ZMYM4: variants seen among roughly 807,000 people sequenced by gnomAD.
ZMYM4 encodes zinc finger MYM-type protein 4.
In ZMYM4, 31 loss-of-function variants were observed where a neutral mutation model predicts 183.2. The observed-to-expected ratio is 0.17, with a 90% CI of 0.13 to 0.23. ZMYM4 has a LOEUF of 0.23. Ranked by LOEUF, ZMYM4 falls within the 10% of genes least tolerant of loss-of-function variation. The pLI, the probability that ZMYM4 is intolerant of heterozygous loss-of-function variation, is 1.00. For synonymous variants in ZMYM4, 592 were observed against 631.2 expected, an observed-to-expected ratio of 0.94 and a Z score of 0.93; for missense variants, 1,273 against 1,840.3, an observed-to-expected ratio of 0.69 and a Z score of 5.64.
At chr1:35,412,045 A>G (rs1447766827) in intron 26 of ZMYM4, among the ~76,000 whole-genome samples, 21 of 150,262 alleles carry the variant, frequency 1.4e-4, no homozygotes, top group East Asian at 5.8e-4. Flanking sequence ...CACCGCGCCC[A>G]GCTAATTTTT....
intron 2 of ZMYM4, among the ~76,000 whole-genome samples, chr1:35,333,042 G>A (rs906121789): frequency 6.6e-6 from 1 of 152,084 alleles, no homozygotes; most frequent in African/African-American, 2.4e-5. Context: ...TGAAGGTCAC[G>A]TTATAGAAAA....
At chr1:35,374,562 G>T (rs1410448817) in intron 7 of ZMYM4, among the ~76,000 whole-genome samples, 1 of 151,752 alleles carries the variant, frequency 6.6e-6, no homozygotes, top group Non-Finnish European at 1.5e-5. Flanking sequence ...CTACTCAGGA[G>T]GCTGAGGTGG....
At chr1:35,271,437 C>A (rs548153916) in intron 1 of ZMYM4, among the ~76,000 whole-genome samples, 237 of 152,156 alleles carry the variant, frequency 1.6e-3, no homozygotes, top group African/African-American at 5.4e-3. Flanking sequence ...GAGTCTTGCT[C>A]TGTTGCCCAG....
At chr1:35,379,281 A>G (rs1644400011) in intron 7 of ZMYM4, among the ~76,000 whole-genome samples, 1 of 152,084 alleles carries the variant, frequency 6.6e-6, no homozygotes, top group African/African-American at 2.4e-5. Context: ...TTCTATTTTT[A>G]ATAGAGATGG....
At chr1:35,334,423 C>T (rs763322080) in intron 2 of ZMYM4, among the ~76,000 whole-genome samples, 1 of 152,132 alleles carries the variant, frequency 6.6e-6, no homozygotes, top group Non-Finnish European at 1.5e-5. Context: ...TTAATATTTC[C>T]CAGTCTGATG....
intron 2 of ZMYM4, among the ~76,000 whole-genome samples, chr1:35,341,934 A>C (rs1643214665): frequency 6.6e-6 from 1 of 152,256 alleles, no homozygotes; most frequent in Non-Finnish European, 1.5e-5. Context: ...TGCTAGATTC[A>C]GTTTGCTAAT....
chr1:35,355,685 A>T (rs1236624888), intron 2 of ZMYM4, among the ~76,000 whole-genome samples: 1 of 152,068 alleles, frequency 6.6e-6, no homozygotes, highest in Non-Finnish European at 1.5e-5. Flanking sequence ...TTTTATTTAT[A>T]ACTTGATCTT....
At chr1:35,398,291 C>T in intron 20 of ZMYM4, 122 bp from the exon 21 acceptor site, 1 of 775,204 alleles carries the variant, frequency 1.3e-6, no homozygotes, top group Non-Finnish European at 2.0e-6. Context: ...ATTCTTTCTG[C>T]ATATGAAATC....
chr1:35,356,391 T>C (rs2148897908), intron 2 of ZMYM4, among the ~76,000 whole-genome samples: 1 of 152,364 alleles, frequency 6.6e-6, no homozygotes, highest in East Asian at 1.9e-4. Flanking sequence ...CAGCTACTAA[T>C]GATGAAACGT....
chr1:35,347,376 G>C (rs926406060), intron 2 of ZMYM4, among the ~76,000 whole-genome samples: 2 of 152,096 alleles, frequency 1.3e-5, no homozygotes, highest in East Asian at 3.8e-4. Context: ...AGTAGAAGTG[G>C]TTTATTCTGT....
intron 1 of ZMYM4, among the ~76,000 whole-genome samples, chr1:35,312,870 A>C (rs1396667585): frequency 6.6e-6 from 1 of 151,998 alleles, no homozygotes; most frequent in Non-Finnish European, 1.5e-5. Flanking sequence ...GGTGTTTGCC[A>C]CCATACCTGG....
At chr1:35,387,673 G>A (rs1644606723) in intron 13 of ZMYM4, 69 bp downstream of exon 13, 5 of 1,480,796 alleles carry the variant, frequency 3.4e-6, no homozygotes, top group Non-Finnish European at 4.6e-6. Context: ...GATGATTTAA[G>A]CTTTCACTGT....
intron 8 of ZMYM4, 42 bp downstream of exon 8, chr1:35,381,475 G>A (rs761255842): frequency 1.1e-5 from 17 of 1,608,268 alleles, no homozygotes; most frequent in East Asian, 6.7e-5. Flanking sequence ...AGTCTAATAC[G>A]TTTGTGCTTA....
chr1:35,409,559 A>G (rs1411250456), intron 26 of ZMYM4, among the ~76,000 whole-genome samples: 1 of 151,784 alleles, frequency 6.6e-6, no homozygotes, highest in Non-Finnish European at 1.5e-5. Context: ...CTTTTTGACC[A>G]TGTGTATACC....
chr1:35,357,252 A>G (rs549692717), intron 2 of ZMYM4, among the ~76,000 whole-genome samples: 37 of 152,304 alleles, frequency 2.4e-4, no homozygotes, highest in African/African-American at 8.9e-4. Context: ...TCCAACTCAA[A>G]TCAACTTAAC....
chr1:35,308,045 G>A (rs761056429), intron 1 of ZMYM4, among the ~76,000 whole-genome samples: 1 of 152,052 alleles, frequency 6.6e-6, no homozygotes, highest in Non-Finnish European at 1.5e-5. Flanking sequence ...AGGCTGGAGT[G>A]CAGTGGCTCA....
chr1:35,392,343 G>A lies in ZMYM4; in HGVS notation c.2719G>A (p.Val907Ile). 6.2e-7 allele frequency: 1 copy of A among 1,613,880 alleles called. No individual in the cohort carries two copies. The highest frequency in any genetic ancestry group is 1.3e-5 in the African/African-American group (1 of 75,024). The change falls in exon 16 of 30, where the codon GTC becomes ATC. Residue 907 changes from valine to isoleucine, a missense_variant. Transcript: ENST00000314607. ...AAQPTVNSNSVLQGAVPTVTA... is the reference protein window; with the variant it reads ...AAQPTVNSNSILQGAVPTVTA... ...TCAGCCTACAGTGAATTCTAACAGT[G>A]TCTTACAAGGTATGGCTTGATTGGA...
At chr1:35,397,632 G>C in intron 20 of ZMYM4, 87 bp downstream of exon 20, 2 of 1,243,376 alleles carry the variant, frequency 1.6e-6, no homozygotes, top group South Asian at 2.0e-5. Flanking sequence ...ATAAGACAGG[G>C]TGTTTCTAAA....
At chr1:35,387,790 T>C (rs778724995) in intron 13 of ZMYM4, among the ~76,000 whole-genome samples, 186 bp downstream of exon 13, 1 of 152,234 alleles carries the variant, frequency 6.6e-6, no homozygotes, top group African/African-American at 2.4e-5. Flanking sequence ...ATGTAGCTGT[T>C]AAAATGAAGT....
Sources: gnomAD v4.1 joint callset for allele counts (sites outside exome capture counted in the v4.1 genomes callset) on GRCh38, gnomAD v4.1.1 for gene constraint, MANE v1.5 for transcripts, NCBI Gene and HGNC (gene_info 2026-07-23, HGNC 2026-07-21) for gene names.